PLXNA4: variants seen among roughly 807,000 people sequenced by gnomAD.
PLXNA4 encodes the protein plexin A4, also known as plexin-A4.
Under a neutral mutation model 191.8 loss-of-function variants are expected in PLXNA4, and 44 were observed. The ratio of observed to expected loss-of-function variants is 0.23; its 90% confidence interval spans 0.18 to 0.29. The LOEUF (loss-of-function observed/expected upper bound fraction) is 0.29. PLXNA4 is among the 10% of genes least tolerant of loss of function. The pLI is 1.00. For missense variants in PLXNA4, 1,800 were observed against 2,488.8 expected (o/e 0.72, Z 5.89); for synonymous variants, 1,082 against 1,009.5 (o/e 1.07, Z -1.36).
At chr7:132,388,349 C>T (rs2116977481) in intron 3 of PLXNA4, among the ~76,000 whole-genome samples, 1 of 152,166 alleles carries the variant, frequency 6.6e-6, no homozygotes, top group African/African-American at 2.4e-5. Flanking sequence ...CTGAGGACCC[C>T]CAATGTTAAG....
intron 2 of PLXNA4, among the ~76,000 whole-genome samples, chr7:132,642,082 G>A (rs1230543645): frequency 6.6e-6 from 1 of 152,060 alleles, no homozygotes; most frequent in Non-Finnish European, 1.5e-5. Flanking sequence ...TAATATATAA[G>A]CAAATTGCAA....
chr7:132,524,725 G>C (rs1013386869), intron 1 of PLXNA4, among the ~76,000 whole-genome samples: 1 of 151,962 alleles, frequency 6.6e-6, no homozygotes, highest in East Asian at 1.9e-4. Context: ...CCATCACCAC[G>C]CCCAGCTAAT....
intron 16 of PLXNA4, among the ~76,000 whole-genome samples, chr7:132,183,613 G>C (rs1222618558): frequency 6.6e-6 from 1 of 152,208 alleles, no homozygotes; most frequent in African/African-American, 2.4e-5. Context: ...GAATTTCGCA[G>C]AGAGTTGCAA....
chr7:132,415,692 G>A (rs1794636204), intron 3 of PLXNA4, among the ~76,000 whole-genome samples: 1 of 152,130 alleles, frequency 6.6e-6, no homozygotes, highest in African/African-American at 2.4e-5. Flanking sequence ...CAGGGACTGT[G>A]CCAAGTGTTC....
intron 3 of PLXNA4, among the ~76,000 whole-genome samples, chr7:132,455,697 A>T (rs1796288909): frequency 6.6e-6 from 1 of 152,086 alleles, no homozygotes; most frequent in Non-Finnish European, 1.5e-5. Context: ...GCAGCTGTGA[A>T]AAGAATGATA....
chr7:132,196,751 A>G (rs748876143), intron 13 of PLXNA4, among the ~76,000 whole-genome samples: 4 of 152,200 alleles, frequency 2.6e-5, no homozygotes, highest in Non-Finnish European at 5.9e-5. Context: ...GCTACTTCTC[A>G]TGACTCTCTC....
At chr7:132,312,969 A>T (rs1336294345) in intron 3 of PLXNA4, among the ~76,000 whole-genome samples, 1 of 152,158 alleles carries the variant, frequency 6.6e-6, no homozygotes, top group African/African-American at 2.4e-5. Context: ...GGAGAGAGGG[A>T]AGGCTTACCC....
At chr7:132,405,550 G>A (rs970408966) in intron 3 of PLXNA4, among the ~76,000 whole-genome samples, 6 of 152,104 alleles carry the variant, frequency 3.9e-5, no homozygotes, top group Non-Finnish European at 8.8e-5. Context: ...GACAGCTCTC[G>A]GTCCTCCCAG....
chr7:132,631,563 G>T (rs1421313954), intron 2 of PLXNA4, among the ~76,000 whole-genome samples: 1 of 152,090 alleles, frequency 6.6e-6, no homozygotes, highest in Non-Finnish European at 1.5e-5. Context: ...TGCTCTAGAT[G>T]GTACCCCAGG....
At chr7:132,467,406 C>A (rs1337383164) in intron 3 of PLXNA4, among the ~76,000 whole-genome samples, 1 of 152,112 alleles carries the variant, frequency 6.6e-6, no homozygotes, top group Non-Finnish European at 1.5e-5. Context: ...TGCAGGGGAC[C>A]CGTGAAAGAC....
At chr7:132,484,338 A>G (rs1301315780) in intron 3 of PLXNA4, among the ~76,000 whole-genome samples, 1 of 152,180 alleles carries the variant, frequency 6.6e-6, no homozygotes, top group African/African-American at 2.4e-5. Context: ...CTGTGGTTGA[A>G]CGTGAAATCA....
intron 3 of PLXNA4, among the ~76,000 whole-genome samples, chr7:132,339,213 A>G (rs560826101): frequency 7.9e-5 from 12 of 152,338 alleles, no homozygotes; most frequent in African/African-American, 2.9e-4. Context: ...AACATCTGCA[A>G]TCACAGAACC....
At chr7:132,282,258 C>G (rs1358644566) in intron 4 of PLXNA4, among the ~76,000 whole-genome samples, 1 of 152,102 alleles carries the variant, frequency 6.6e-6, no homozygotes, top group Non-Finnish European at 1.5e-5. Context: ...CCCACTAACT[C>G]GTCATCTAGC....
chr7:132,377,844 A>C (rs1048780866), intron 3 of PLXNA4, among the ~76,000 whole-genome samples: 1 of 152,188 alleles, frequency 6.6e-6, no homozygotes, highest in African/African-American at 2.4e-5. Flanking sequence ...GATGGATGGC[A>C]GGGGAGAGTG....
chr7:132,200,976 A>G (rs1176103923), intron 12 of PLXNA4, among the ~76,000 whole-genome samples: 1 of 152,244 alleles, frequency 6.6e-6, no homozygotes, highest in Non-Finnish European at 1.5e-5. Flanking sequence ...CACAGGGTGA[A>G]GTTCTAACCC....
intron 1 of PLXNA4, among the ~76,000 whole-genome samples, chr7:132,535,848 T>C (rs1363880560): frequency 6.6e-6 from 1 of 152,194 alleles, no homozygotes; most frequent in African/African-American, 2.4e-5. Flanking sequence ...GCTGAACACT[T>C]GACCCCCATC....
chr7:132,643,556 A>G (rs985529284), intron 2 of PLXNA4, among the ~76,000 whole-genome samples: 16 of 152,154 alleles, frequency 1.1e-4, no homozygotes, highest in African/African-American at 3.9e-4. Context: ...TTGTGGTTAA[A>G]ATGACTTTCA....
intron 2 of PLXNA4, among the ~76,000 whole-genome samples, chr7:132,629,781 C>T (rs1803454859): frequency 6.6e-6 from 1 of 152,146 alleles, no homozygotes. Flanking sequence ...TGCAGATGGC[C>T]GCCTTCTCAC....
intron 3 of PLXNA4, among the ~76,000 whole-genome samples, chr7:132,310,443 T>C (rs1242131969): frequency 3.9e-5 from 6 of 152,234 alleles, no homozygotes; most frequent in African/African-American, 1.4e-4. Context: ...TGTAGTAAAT[T>C]GACAAATGAA....
Sources: allele counts gnomAD v4.1 joint callset (sites outside exome capture counted in the v4.1 genomes callset), GRCh38; gene constraint gnomAD v4.1.1; transcripts MANE v1.5; gene names NCBI Gene and HGNC (gene_info 2026-07-23, HGNC 2026-07-21).